Variants in CAPRIN2 observed in about 807,000 individuals in gnomAD.
CAPRIN2 encodes the protein caprin-2.
Under a neutral mutation model 130.4 loss-of-function variants are expected in CAPRIN2, and 66 were observed. The observed-to-expected ratio is 0.51, with a 90% CI of 0.42 to 0.62. CAPRIN2 has a LOEUF of 0.62. CAPRIN2 is among the 20% of genes least tolerant of loss of function. CAPRIN2 has a pLI of 0.00. For missense variants in CAPRIN2, 1,185 were observed against 1,246.6 expected, an observed-to-expected ratio of 0.95 and a Z score of 0.74; for synonymous variants, 471 against 444.1, an observed-to-expected ratio of 1.06 and a Z score of -0.76.
chr12:30,744,571 C>T lies in CAPRIN2; in HGVS notation c.484-3465G>A, dbSNP rs776839749. Among the ~76,000 whole-genome samples the T allele has an allele frequency of 2.0e-5, 3 of 152,142 alleles. No homozygotes were observed. In the East Asian group the frequency reaches 5.8e-4, roughly 29 times the overall value. On this transcript the variant is annotated intron_variant, in intron 2 of 16. Transcript: ENST00000298892. The stretch of plus-strand genomic sequence containing the variant: ...CTTCCTCCCTCCCCCCTTTCACTGG[C>T]TAAGTCTCATTCATATTTTAGGTCT...
intron 13 of CAPRIN2, 54 bp from the exon 16 acceptor site, chr12:30,715,195 T>C (rs746337879): frequency 2.8e-6 from 4 of 1,438,726 alleles, no homozygotes; most frequent in South Asian, 1.2e-5. Flanking sequence ...ATAGTCTTTA[T>C]ACTTAAAAGC....
chr12:30,723,126 A>G, intron 11 of CAPRIN2, 133 bp downstream of exon 12: 4 of 654,292 alleles, frequency 6.1e-6, no homozygotes, highest in Non-Finnish European at 1.1e-5. Flanking sequence ...TTTAATCTAC[A>G]AAACTAGATA....
intron 12 of CAPRIN2, among the ~76,000 whole-genome samples, chr12:30,718,589 C>T (rs1196934430): frequency 6.6e-6 from 1 of 152,084 alleles, no homozygotes; most frequent in South Asian, 2.1e-4. Context: ...TAGAAAAATA[C>T]GTAATTCAAA....
At chr12:30,715,571 A>G (rs371266421) in intron 13 of CAPRIN2, 3 of 395,860 alleles carry the variant, frequency 7.6e-6, no homozygotes, top group Middle Eastern at 3.7e-4. Context: ...GGGAGATGAA[A>G]AGTTCTGGAG....
In CAPRIN2 at chr12:30,716,822, A is replaced by T. The variant is rs113322940; in HGVS notation, c.2149-146T>A. The T allele has an allele frequency of 0.011, 6,849 of 648,950 alleles. 64 individuals carry two copies. The highest frequency in any genetic ancestry group is 0.015 in the Non-Finnish European group (5,629 of 376,120). The allele number at this position is 648,950 out of a possible 1,614,324, so 40.2% of individuals were successfully genotyped here. A position where few individuals can be genotyped will look rare whatever the true frequency, so the allele number is the denominator to read the frequency against. ...CATCTCTCCAAAGAAGATAAATGGC[A>T]AATAAGCACATGAAAACATGCTCAT... On this transcript the variant is annotated intron_variant, in intron 12 of 16. Coordinates refer to ENST00000298892, the Ensembl canonical transcript of CAPRIN2.
At chr12:30,753,370 T>C in exon 1 of CAPRIN2, 5 of 1,606,846 alleles carry the variant, frequency 3.1e-6, no homozygotes, top group Non-Finnish European at 4.3e-6. Flanking sequence ...TTTCTAATTT[T>C]GTGTTTAAGG....
chr12:30,725,035 G>A (rs1397103441), intron 9 of CAPRIN2, among the ~76,000 whole-genome samples: 1 of 152,018 alleles, frequency 6.6e-6, no homozygotes, highest in African/African-American at 2.4e-5. Flanking sequence ...TAAATCTAAG[G>A]CCTAAGTCAG....
At chr12:30,716,455 A>T (rs1406550723) in intron 13 of CAPRIN2, 53 bp downstream of exon 15, 1 of 1,516,742 alleles carries the variant, frequency 6.6e-7, no homozygotes, top group East Asian at 2.3e-5. Flanking sequence ...CTTGCTGTCC[A>T]TTCAATTGGC....
At chr12:30,722,082 C>T (rs944264958) in intron 11 of CAPRIN2, among the ~76,000 whole-genome samples, 2 of 152,168 alleles carry the variant, frequency 1.3e-5, no homozygotes, top group African/African-American at 2.4e-5. Context: ...TAAATTAAGG[C>T]ATCTTAGGCC....
At chr12:30,750,927 CAA>C in intron 2 of CAPRIN2, 142 bp downstream of exon 3, 1 of 660,864 alleles carries the variant, frequency 1.5e-6, no homozygotes, top group Non-Finnish European at 2.7e-6. Flanking sequence ...GCACAAACAA[CAA>C]AGTCTTCTGA....
intron 1 of CAPRIN2, among the ~76,000 whole-genome samples, chr12:30,752,442 G>C (rs1048090226): frequency 6.6e-6 from 1 of 152,090 alleles, no homozygotes; most frequent in Non-Finnish European, 1.5e-5. Flanking sequence ...TTATCACAGT[G>C]ATGGGGAATT....
rs1378336105 is a variant in CAPRIN2, at chr12:30,729,269, C to T, written c.1161G>A (p.Glu387=). Residue 387 remains glutamate, a synonymous_variant, in exon 8 of 17, where the codon GAG becomes GAA. Coordinates refer to ENST00000298892, the Ensembl canonical transcript of CAPRIN2. ...TAGCATAATCTGCTTCCCAAGGTTG[C>T]TCTTCGCCTTGTTTGTTTGAATAAT... 2.5e-6 allele frequency: 4 copies of T among 1,602,056 alleles called. No homozygotes were observed. The African/African-American group carries it at 5.4e-5, about 22-fold the overall frequency.
At chr12:30,726,223 A>C in intron 8 of CAPRIN2, 135 bp from the exon 10 acceptor site, 7 of 665,480 alleles carry the variant, frequency 1.1e-5, no homozygotes, top group South Asian at 6.9e-5. Flanking sequence ...GAATTTTCTC[A>C]TAAATACCTT....
chr12:30,725,999 C>A (rs1330158545), exon 9 of CAPRIN2: 3 of 1,599,588 alleles, frequency 1.9e-6, no homozygotes, highest in South Asian at 1.1e-5. Flanking sequence ...GAATCTGAGT[C>A]ATCAGATCCT....
intron 3 of CAPRIN2, among the ~76,000 whole-genome samples, chr12:30,739,894 C>A (rs2066623592): frequency 6.6e-6 from 1 of 151,958 alleles, no homozygotes; most frequent in Non-Finnish European, 1.5e-5. Flanking sequence ...GAAAAGAATA[C>A]CATATATTAG....
intron 8 of CAPRIN2, among the ~76,000 whole-genome samples, chr12:30,727,504 T>A (rs2061298094): frequency 6.6e-6 from 1 of 152,206 alleles, no homozygotes; most frequent in South Asian, 2.1e-4. Flanking sequence ...CAAGGAAGAC[T>A]ACTCCATAGA....
intron 5 of CAPRIN2, among the ~76,000 whole-genome samples, chr12:30,733,015 T>C (rs1344546917): frequency 1.3e-5 from 2 of 152,116 alleles, no homozygotes; most frequent in Non-Finnish European, 1.5e-5. Context: ...GTTATAGATA[T>C]TTGGATTTTT....
intron 3 of CAPRIN2, among the ~76,000 whole-genome samples, chr12:30,737,050 G>A (rs1282413572): frequency 2.0e-5 from 3 of 152,142 alleles, no homozygotes; most frequent in Admixed American, 2.0e-4. Context: ...TGCCATCCAG[G>A]CTGGGGTGCA....
At position 30,710,739 on chromosome 12, in the gene CAPRIN2, C is replaced by T. The variant is rs1213001897; in HGVS notation, c.2666-269G>A. Among the ~76,000 whole-genome samples the T allele has an allele frequency of 6.6e-6, 1 of 152,112 alleles. No homozygotes were observed. On this transcript the variant is annotated intron_variant, in intron 16 of 16. Coordinates refer to ENST00000298892, the Ensembl canonical transcript of CAPRIN2. This position sits in a 1 kb window ranked among gnomAD's most constrained non-coding sequence, Gnocchi z 4.8. ...ATGTGGCCCCCAAAAGGCCAGATAACTTAGCAAAGTCTAAAACTCAGGTCT... is the reference window on the plus strand; with the variant it reads ...ATGTGGCCCCCAAAAGGCCAGATAATTTAGCAAAGTCTAAAACTCAGGTCT...
Sources: allele counts gnomAD v4.1 joint callset (sites outside exome capture counted in the v4.1 genomes callset), GRCh38; gene constraint gnomAD v4.1.1; non-coding constraint Gnocchi (gnomAD v3.1); transcripts MANE v1.5; gene names NCBI Gene and HGNC (gene_info 2026-07-23, HGNC 2026-07-21).